DAP: variants seen among roughly 807,000 people sequenced by gnomAD.
The protein encoded by DAP is death associated protein.
A neutral mutation model predicts 13.8 loss-of-function variants in DAP; 8 were observed. The observed-to-expected ratio is 0.58, with a 90% confidence interval of 0.34 to 1.05. DAP has a LOEUF of 1.05. Among genes scored for constraint, DAP ranks in the 50% least tolerant of loss-of-function variants. DAP has a pLI of 0.03. For missense variants in DAP, 106 were observed against 133.2 expected, an observed-to-expected ratio of 0.80 and a Z score of 1.01; for synonymous variants, 47 against 47.5, an observed-to-expected ratio of 0.99 and a Z score of 0.04.
At chr5:10,753,013 C>T (rs540782028) in intron 1 of DAP, among the ~76,000 whole-genome samples, 34 of 152,214 alleles carry the variant, frequency 2.2e-4, no homozygotes, top group Non-Finnish European at 4.4e-4. Context: ...CGCTGCCCTA[C>T]GGGTTGCTGG....
chr5:10,692,163 G>C (rs972267574), intron 2 of DAP, among the ~76,000 whole-genome samples: 1 of 152,122 alleles, frequency 6.6e-6, no homozygotes, highest in South Asian at 2.1e-4. Flanking sequence ...CTCCCAAACA[G>C]CAACTATTTA....
chr5:10,686,848 AC>A (rs1307271564), intron 2 of DAP, among the ~76,000 whole-genome samples: 1 of 152,246 alleles, frequency 6.6e-6, no homozygotes, highest in African/African-American at 2.4e-5. Context: ...TTCAATGTTG[AC>A]AAAACAGCCT....
At chr5:10,721,904 G>C (rs1308504299) in intron 2 of DAP, among the ~76,000 whole-genome samples, 4 of 152,168 alleles carry the variant, frequency 2.6e-5, no homozygotes, top group Non-Finnish European at 1.5e-5. Context: ...CCTTTATTGT[G>C]TGACATAAGA....
At chr5:10,728,984 AG>A (rs1422638266) in intron 2 of DAP, among the ~76,000 whole-genome samples, 2 of 152,242 alleles carry the variant, frequency 1.3e-5, no homozygotes, top group African/African-American at 4.8e-5. Flanking sequence ...GTGCTCTTTT[AG>A]GTTCAAAGAG....
At chr5:10,687,905 C>CTT (rs1199947263) in intron 2 of DAP, among the ~76,000 whole-genome samples, 2,984 of 110,548 alleles carry the variant, frequency 0.027, 222 homozygotes, top group African/African-American at 0.1. Flanking sequence ...TCATTGTTGT[C>CTT]TTTTTTTTTT....
rs1013442797 is a variant in DAP at position 10,679,667 on chromosome 5, CTTAAG to C, written c.*1384_*1388del. 2.6e-5 allele frequency: 4 copies of C among 152,316 alleles called. No homozygotes were observed. Among genetic ancestry groups the C allele is most frequent in the Non-Finnish European group, 5.9e-5 (4 of 68,042 alleles). 9.4% of individuals were successfully genotyped at this position (152,316 alleles called of 1,614,324 possible). A position where few individuals can be genotyped will look rare whatever the true frequency, so the allele number is the denominator to read the frequency against. ...CCTTGAAGGGTACATGCCGGCTTCC[CTTAAG>C]TTGATTAGATGGGAAACCAAACACC... is the stretch of plus-strand genomic sequence containing the variant. On this transcript the variant is annotated 3_prime_UTR_variant, in exon 4 of 4. Transcript: ENST00000230895.
intron 2 of DAP, among the ~76,000 whole-genome samples, chr5:10,720,389 T>C (rs1277639187): frequency 2.0e-5 from 3 of 151,994 alleles, no homozygotes; most frequent in East Asian, 1.9e-4. Context: ...ACAAAGAAAT[T>C]TGGGGAAGAG....
intron 2 of DAP, among the ~76,000 whole-genome samples, chr5:10,730,196 GT>G (rs1739404000): frequency 6.6e-6 from 1 of 151,848 alleles, no homozygotes; most frequent in African/African-American, 2.4e-5. Context: ...GAGGGATTTT[GT>G]TTTGCTCACT....
At chr5:10,684,955 G>C (rs1738118979) in intron 2 of DAP, among the ~76,000 whole-genome samples, 1 of 152,216 alleles carries the variant, frequency 6.6e-6, no homozygotes, top group Non-Finnish European at 1.5e-5. Flanking sequence ...CTGCTGGGTA[G>C]AGGGGGTAGA....
At chr5:10,721,171 C>T (rs1046364913) in intron 2 of DAP, among the ~76,000 whole-genome samples, 1 of 152,168 alleles carries the variant, frequency 6.6e-6, no homozygotes, top group East Asian at 1.9e-4. Context: ...TGCTCTCAGT[C>T]AGCCTCCAAT....
intron 2 of DAP, among the ~76,000 whole-genome samples, chr5:10,708,001 A>C (rs1196131505): frequency 6.6e-6 from 1 of 152,176 alleles, no homozygotes; most frequent in African/African-American, 2.4e-5. Flanking sequence ...TTTAATATTA[A>C]GTACAAAGGA....
chr5:10,702,497 G>A (rs79576733), intron 2 of DAP, among the ~76,000 whole-genome samples: 1 of 152,192 alleles, frequency 6.6e-6, no homozygotes, highest in Non-Finnish European at 1.5e-5. Flanking sequence ...CCTTCCTCCA[G>A]CTTTTGCCAG....
intron 2 of DAP, among the ~76,000 whole-genome samples, chr5:10,732,756 C>A (rs1283088135): frequency 1.3e-5 from 2 of 152,190 alleles, no homozygotes; most frequent in African/African-American, 4.8e-5. Flanking sequence ...CTGCTTACCA[C>A]AGCAGCAAGG....
At position 10,679,328 on chromosome 5, in the gene DAP, A is replaced by G. The variant is rs929552077; in HGVS notation, c.*1728T>C. ...GCAAACATTTTGGATTTAATGATCT[A>G]AAGCTCACAGATGCATGCCACATCT... On this transcript the variant is annotated 3_prime_UTR_variant, in exon 4 of 4. Coordinates refer to ENST00000230895, the MANE Select transcript of DAP (RefSeq NM_004394.3). 9.8e-5 allele frequency: 15 copies of G among 152,526 alleles called. No homozygotes were observed. Among genetic ancestry groups the G allele is most frequent in the Admixed American group, 2.0e-4 (3 of 15,312 alleles). 9.4% of individuals were successfully genotyped at this position (152,526 alleles called of 1,614,324 possible). A position where few individuals can be genotyped will look rare whatever the true frequency, so the allele number is the denominator to read the frequency against.
intron 1 of DAP, among the ~76,000 whole-genome samples, chr5:10,758,407 AG>A (rs1740249529): frequency 1.1e-5 from 1 of 91,514 alleles, no homozygotes; most frequent in African/African-American, 4.7e-5. Context: ...TTGGCATTTG[AG>A]GGGTGCTGTT....
chr5:10,756,478 A>G (rs1050864944), intron 1 of DAP, among the ~76,000 whole-genome samples: 1 of 152,260 alleles, frequency 6.6e-6, no homozygotes, highest in African/African-American at 2.4e-5. Context: ...CGTATCAATT[A>G]GTGTAAGAGA....
Position 10,752,174 on chromosome 5 carries a change from T to C in DAP, c.56-3903A>G, listed in dbSNP as rs184228282. Among the ~76,000 whole-genome samples the C allele has an allele frequency of 9.7e-4, 148 of 152,332 alleles. 1 individual carries two copies. In the East Asian group the frequency reaches 0.016, roughly 16 times the overall value. On this transcript the variant is annotated intron_variant, in intron 1 of 3. Transcript: ENST00000230895. ...CTCCTCTGCTGAAATAAGCACACAG[T>C]GTCAAGGCTCAGTCACCCAGCATTA... is the stretch of plus-strand genomic sequence containing the variant.
At chr5:10,696,342 G>A (rs867691521) in intron 2 of DAP, among the ~76,000 whole-genome samples, 12 of 152,060 alleles carry the variant, frequency 7.9e-5, no homozygotes, top group African/African-American at 2.4e-4. Context: ...GGGGTGTGGC[G>A]GGGGGGAGGC....
In DAP at chr5:10,740,446, C is replaced by T. The variant is rs956406699; in HGVS notation, c.152+7729G>A. The stretch of plus-strand genomic sequence containing the variant: ...CATAGATAAAAAATGCTCAGTGAAT[C>T]CCAAGTAAGATACATACAAAGACAA... On this transcript the variant is annotated intron_variant, in intron 2 of 3. Coordinates refer to ENST00000230895, the MANE Select transcript of DAP (RefSeq NM_004394.3). Among the ~76,000 whole-genome samples the T allele has an allele frequency of 5.3e-5, 8 of 152,132 alleles. 1 individual carries two copies. The South Asian group carries it at 8.3e-4, about 16-fold the overall frequency.
Sources: allele counts gnomAD v4.1 joint callset (sites outside exome capture counted in the v4.1 genomes callset), GRCh38; gene constraint gnomAD v4.1.1; transcripts MANE v1.5; gene names NCBI Gene and HGNC (gene_info 2026-07-23, HGNC 2026-07-21).